Variants in ZNF676 observed in about 807,000 individuals in gnomAD.
ZNF676 encodes zinc finger protein 676.
A neutral mutation model predicts 6.0 loss-of-function variants in ZNF676; 4 were observed. The ratio of observed to expected loss-of-function variants is 0.67; its 90% CI spans 0.33 to 1.53. The LOEUF (loss-of-function observed/expected upper bound fraction) is 1.53, where lower values mean the gene tolerates loss of function less well. ZNF676 is among the 40% of genes most tolerant of loss of function. The probability of loss-of-function intolerance (pLI) is 0.06; values close to 1 mark genes in which losing one functional copy is unlikely to be tolerated. For missense variants in ZNF676, 644 were observed against 679.7 expected, an observed-to-expected ratio of 0.95 and a Z score of 0.58; for synonymous variants, 198 against 223.1, an observed-to-expected ratio of 0.89 and a Z score of 1.00.
intron 2 of ZNF676, among the ~76,000 whole-genome samples, chr19:22,186,194 C>T (rs1014728495): frequency 6.6e-6 from 1 of 152,112 alleles, no homozygotes; most frequent in Non-Finnish European, 1.5e-5. Context: ...CTGCAGAAAC[C>T]CTACAAGCCA....
At chr19:22,224,670 A>G in the ZNF676 span, among the ~76,000 whole-genome samples, 3 of 152,192 alleles carry the variant, frequency 2.0e-5, no homozygotes, top group Non-Finnish European at 4.4e-5. Flanking sequence ...CAGATAACAT[A>G]AAATTGATTC....
intron 2 of ZNF676, among the ~76,000 whole-genome samples, chr19:22,187,534 G>A (rs759319719): frequency 1.1e-4 from 17 of 149,358 alleles, no homozygotes; most frequent in Non-Finnish European, 2.4e-4. Context: ...AACTGAAGGA[G>A]ATAGACACAA....
chr19:22,217,047 G>A (rs901555038), upstream of ZNF676, among the ~76,000 whole-genome samples: 1 of 151,428 alleles, frequency 6.6e-6, no homozygotes, highest in African/African-American at 2.4e-5. Flanking sequence ...TGTAGTATTT[G>A]GTTACATGGA....
chr19:22,258,459 A>G, the ZNF676 span, among the ~76,000 whole-genome samples: 1 of 152,008 alleles, frequency 6.6e-6, no homozygotes, highest in African/African-American at 2.4e-5. Context: ...CAAAACCTAG[A>G]AAAAAGAGAG....
At chr19:22,222,111 T>A in the ZNF676 span, among the ~76,000 whole-genome samples, 12 of 152,022 alleles carry the variant, frequency 7.9e-5, no homozygotes, top group Non-Finnish European at 1.0e-4. Flanking sequence ...AAAATATATT[T>A]TTTTTTTCTT....
the ZNF676 span, among the ~76,000 whole-genome samples, chr19:22,257,274 C>A: frequency 1.3e-5 from 2 of 152,064 alleles, no homozygotes; most frequent in African/African-American, 4.8e-5. Context: ...GGGTAGAGAA[C>A]AGGCAGGAAA....
chr19:22,189,436 A>G (rs2023876297), intron 2 of ZNF676, among the ~76,000 whole-genome samples: 2 of 152,292 alleles, frequency 1.3e-5, no homozygotes, highest in African/African-American at 4.8e-5. Context: ...AACCTAGAGA[A>G]TACTACTCAG....
At chr19:22,225,875 T>C in the ZNF676 span, among the ~76,000 whole-genome samples, 78 of 152,212 alleles carry the variant, frequency 5.1e-4, no homozygotes, top group South Asian at 1.0e-3. Context: ...AATATTTTCA[T>C]TGATTTCCTA....
Position 22,196,609 on chromosome 19 carries a change from C to T in ZNF676, c.25G>A (p.Val9Ile). Residue 9 changes from valine (V) to isoleucine (I), a missense_variant, in exon 1 of 3, where the codon GTC becomes ATC. Around this residue, in one of 5 missense-constraint regions of ZNF676, gnomAD observed 280 missense variants for 269.3 expected, o/e 1.04. Transcript: ENST00000397121. MLENYRNL[V>I]FLGIAAFKPD... ...TTAAAGTTATTCTCACCCAGGAAGACCAGGTTTCTGTAGTTCTCTAACATC... is the reference window on the plus strand; with the variant it reads ...TTAAAGTTATTCTCACCCAGGAAGATCAGGTTTCTGTAGTTCTCTAACATC... 2.5e-6 allele frequency: 4 copies of T among 1,613,740 alleles called. No homozygotes were observed. The highest frequency in any genetic ancestry group is 3.4e-6 in the Non-Finnish European group (4 of 1,179,686).
chr19:22,227,567 C>T, the ZNF676 span, among the ~76,000 whole-genome samples: 4 of 151,924 alleles, frequency 2.6e-5, no homozygotes, highest in Non-Finnish European at 5.9e-5. Flanking sequence ...TTAATGATTC[C>T]AGGAGCTGGT....
Position 22,179,908 on chromosome 19 carries a change from G to A in ZNF676, c.*42C>T, listed in dbSNP as rs760494569. 5 of 1,574,620 alleles carry A rather than the reference G, an allele frequency of 3.2e-6. No homozygotes were observed. The African/African-American group carries it at 5.5e-5, about 17-fold the overall frequency. ...AGTATGAATTTTCTTATGTTTACTA[G>A]ACTGAGAATCAGCTGAAGGATTTAC... On this transcript the variant is annotated 3_prime_UTR_variant, in exon 3 of 3. Coordinates refer to ENST00000397121, the MANE Select transcript of ZNF676 (RefSeq NM_001001411.3).
chr19:22,187,499 C>T (rs1222680885), intron 2 of ZNF676, among the ~76,000 whole-genome samples: 1 of 151,446 alleles, frequency 6.6e-6, no homozygotes, highest in Non-Finnish European at 1.5e-5. Flanking sequence ...TAGCAGAATA[C>T]AAGAAATAAC....
At chr19:22,210,853 T>C (rs2024122929) in intron 1 of ZNF676, among the ~76,000 whole-genome samples, 1 of 152,158 alleles carries the variant, frequency 6.6e-6, no homozygotes, top group South Asian at 2.1e-4. Flanking sequence ...CCATACAACC[T>C]CATTTTATGC....
the ZNF676 span, among the ~76,000 whole-genome samples, chr19:22,256,921 A>G: frequency 2.6e-5 from 4 of 152,152 alleles, no homozygotes; most frequent in African/African-American, 9.7e-5. Context: ...GGGCCCAAAC[A>G]TAAAAGGAGA....
At chr19:22,239,695 C>T in the ZNF676 span, among the ~76,000 whole-genome samples, 3 of 152,160 alleles carry the variant, frequency 2.0e-5, no homozygotes, top group East Asian at 5.8e-4. Context: ...TAGGTAGGAG[C>T]TCAGGCAGGA....
At chr19:22,244,362 C>T in the ZNF676 span, 1 of 152,196 alleles carries the variant, frequency 6.6e-6, no homozygotes, top group African/African-American at 2.4e-5. Context: ...CTCTTTATGA[C>T]ATTCATACAA....
intron 1 of ZNF676, among the ~76,000 whole-genome samples, chr19:22,195,711 T>C (rs893276110): frequency 6.6e-6 from 1 of 152,196 alleles, no homozygotes; most frequent in Admixed American, 6.5e-5. Context: ...AAAGAGCAAT[T>C]GTGCTATCAT....
At chr19:22,217,552 A>G (rs2024205273), upstream of ZNF676, among the ~76,000 whole-genome samples, 1 of 150,862 alleles carries the variant, frequency 6.6e-6, no homozygotes, top group South Asian at 2.1e-4. Context: ...GCTCCCGTTT[A>G]TAAGTGAGGA....
chr19:22,212,507 A>C, intron 1 of ZNF676, among the ~76,000 whole-genome samples: 2 of 151,300 alleles, frequency 1.3e-5, no homozygotes, highest in Admixed American at 1.3e-4. Flanking sequence ...TTGAGCTCAA[A>C]CAGCCTGGCC....
Sources: allele counts gnomAD v4.1 joint callset (sites outside exome capture counted in the v4.1 genomes callset), GRCh38; gene constraint gnomAD v4.1.1; regional missense constraint gnomAD v4.1.1; transcripts MANE v1.5; gene names NCBI Gene and HGNC (gene_info 2026-07-23, HGNC 2026-07-21).